Variants in GRIK4 observed in about 807,000 individuals in gnomAD.
GRIK4 encodes the protein glutamate ionotropic receptor kainate type subunit 4.
In GRIK4, 40 loss-of-function variants were observed where a neutral mutation model predicts 104.9. The ratio of observed to expected loss-of-function variants is 0.38; its 90% CI spans 0.30 to 0.50. The LOEUF is 0.50. Ranked by LOEUF, GRIK4 falls within the 20% of genes least tolerant of loss-of-function variation. The probability of loss-of-function intolerance (pLI) is 0.93; values close to 1 mark genes in which losing one functional copy is unlikely to be tolerated. For missense variants in GRIK4, 1,047 were observed against 1,308.1 expected, an observed-to-expected ratio of 0.80 and a Z score of 3.08; for synonymous variants, 485 against 524.9, an observed-to-expected ratio of 0.92 and a Z score of 1.04.
intron 1 of GRIK4, among the ~76,000 whole-genome samples, chr11:120,535,589 C>T (rs1371626690): frequency 6.6e-6 from 1 of 152,032 alleles, no homozygotes; most frequent in Non-Finnish European, 1.5e-5. Context: ...AGGGCAAGGT[C>T]ACTAAAGGAC....
intron 3 of GRIK4, among the ~76,000 whole-genome samples, chr11:120,703,285 C>G (rs1950581251): frequency 6.6e-6 from 1 of 152,078 alleles, no homozygotes; most frequent in Non-Finnish European, 1.5e-5. Context: ...AGATTTAAAC[C>G]TGGGTGTTCT....
intron 1 of GRIK4, among the ~76,000 whole-genome samples, chr11:120,637,198 G>T (rs563881392): frequency 2.9e-4 from 44 of 152,198 alleles, no homozygotes; most frequent in Admixed American, 4.6e-4. Context: ...TGGGGGTGGG[G>T]AGAAAGTCAG....
chr11:120,581,830 G>A (rs185214110), intron 1 of GRIK4, among the ~76,000 whole-genome samples: 1 of 149,618 alleles, frequency 6.7e-6, no homozygotes, highest in Non-Finnish European at 1.5e-5. Context: ...TTTTTGAGAC[G>A]GAGTCTTGCT....
At chr11:120,920,677 A>G (rs890200415) in intron 13 of GRIK4, among the ~76,000 whole-genome samples, 1 of 151,574 alleles carries the variant, frequency 6.6e-6, no homozygotes, top group African/African-American at 2.4e-5. Flanking sequence ...TATCCAGGCA[A>G]TGGCAGTGGT....
intron 1 of GRIK4, among the ~76,000 whole-genome samples, chr11:120,567,985 G>A (rs1483601530): frequency 6.6e-6 from 1 of 152,124 alleles, no homozygotes; most frequent in African/African-American, 2.4e-5. Context: ...TTCAAGACCT[G>A]CCTGGGAAAC....
At chr11:120,621,115 A>G (rs1949182413) in intron 1 of GRIK4, among the ~76,000 whole-genome samples, 1 of 152,128 alleles carries the variant, frequency 6.6e-6, no homozygotes, top group Non-Finnish European at 1.5e-5. Flanking sequence ...TCACACACAA[A>G]CCCCAAGCTC....
At chr11:120,582,719 T>C (rs1029951330) in intron 1 of GRIK4, among the ~76,000 whole-genome samples, 2 of 152,242 alleles carry the variant, frequency 1.3e-5, no homozygotes, top group Non-Finnish European at 2.9e-5. Context: ...TAGTATTCCA[T>C]GGTGTATATG....
In GRIK4 at chr11:120,962,546, G is replaced by A. The variant is rs376213636; in HGVS notation, c.2131G>A (p.Ala711Thr). Residue 711 changes from alanine to threonine, a missense_variant, in exon 18 of 21, where the codon GCC becomes ACC. Coordinates refer to ENST00000527524, the MANE Select transcript of GRIK4 (RefSeq NM_014619.5). ...VFVKSTEEGI[A>T]RVLNSNYAFL... ...CGTGAAGAGCACAGAGGAGGGAATC[G>A]CCAGGGTGTTGAATTCCAACTACGC... The A allele has an allele frequency of 5.8e-5, 93 of 1,613,804 alleles. No homozygotes were observed. Among genetic ancestry groups the A allele is most frequent in the Non-Finnish European group, 7.5e-5 (88 of 1,179,864 alleles).
chr11:120,983,473 T>C (rs1944686205), intron 20 of GRIK4, among the ~76,000 whole-genome samples: 1 of 152,202 alleles, frequency 6.6e-6, no homozygotes, highest in East Asian at 1.9e-4. Flanking sequence ...TGGGCCTTAT[T>C]GGACTTTGGT....
intron 13 of GRIK4, among the ~76,000 whole-genome samples, chr11:120,935,887 A>C (rs895037863): frequency 2.6e-5 from 4 of 151,450 alleles, no homozygotes; most frequent in African/African-American, 4.9e-5. Flanking sequence ...TTAACTATAC[A>C]AAAAAAAGAC....
chr11:120,786,124 C>A (rs2135483341), intron 3 of GRIK4, among the ~76,000 whole-genome samples: 1 of 152,278 alleles, frequency 6.6e-6, no homozygotes, highest in Non-Finnish European at 1.5e-5. Context: ...CTTGCTCTGG[C>A]CCCATCATCA....
intron 14 of GRIK4, among the ~76,000 whole-genome samples, chr11:120,942,478 T>C (rs1271369533): frequency 6.6e-6 from 1 of 152,162 alleles, no homozygotes; most frequent in Non-Finnish European, 1.5e-5. Context: ...GGTGTCTAGA[T>C]TCCTGGAGGG....
intron 19 of GRIK4, among the ~76,000 whole-genome samples, chr11:120,978,331 G>A (rs1944595415): frequency 1.3e-5 from 2 of 152,218 alleles, no homozygotes; most frequent in South Asian, 4.1e-4. Context: ...GGTAAGAGTA[G>A]AGAAGGCAGC....
intron 1 of GRIK4, among the ~76,000 whole-genome samples, chr11:120,525,402 A>G (rs958973053): frequency 1.3e-5 from 2 of 152,102 alleles, no homozygotes; most frequent in African/African-American, 4.8e-5. Context: ...CCAGGGGAGC[A>G]TGTGCCCTGC....
intron 15 of GRIK4, among the ~76,000 whole-genome samples, chr11:120,954,504 C>T (rs1944087826): frequency 1.3e-5 from 2 of 152,070 alleles, no homozygotes; most frequent in Non-Finnish European, 2.9e-5. Context: ...CTCTGTAATT[C>T]ACACTTGCCC....
intron 9 of GRIK4, 68 bp downstream of exon 9, chr11:120,862,188 C>A: frequency 3.7e-6 from 5 of 1,338,294 alleles, no homozygotes; most frequent in South Asian, 2.6e-5. Context: ...GTGGGCCAAC[C>A]CCTGGGCAAC....
rs115723495 is a variant in GRIK4 at position 120,819,360 on chromosome 11, A to T, written c.346-395A>T. ...TTCTCTTTCTGCCGTCTCTGCTCTG[A>T]TGTATTAACTACAAATAAAATATTC... On this transcript the variant is annotated intron_variant, in intron 5 of 20. Coordinates refer to ENST00000527524, the MANE Select transcript of GRIK4 (RefSeq NM_014619.5). This position sits in a 1 kb window ranked among gnomAD's most constrained non-coding sequence, Gnocchi z 4.3. 1.5e-3 allele frequency among the ~76,000 whole-genome samples: 231 copies of T among 152,246 alleles called. No individual in the cohort carries two copies. Among genetic ancestry groups the T allele is most frequent in the African/African-American group, 5.5e-3 (227 of 41,552 alleles).
intron 3 of GRIK4, among the ~76,000 whole-genome samples, chr11:120,771,279 C>T (rs574154816): frequency 1.3e-5 from 2 of 152,074 alleles, no homozygotes; most frequent in Non-Finnish European, 2.9e-5. Flanking sequence ...AAATTTCAGG[C>T]AGAAATGAGG....
At chr11:120,979,996 C>T (rs1451146283) in intron 19 of GRIK4, among the ~76,000 whole-genome samples, 1 of 151,988 alleles carries the variant, frequency 6.6e-6, no homozygotes. Flanking sequence ...CCACCATGCC[C>T]GGCTAATTTT....
Sources: allele counts gnomAD v4.1 joint callset (sites outside exome capture counted in the v4.1 genomes callset), GRCh38; gene constraint gnomAD v4.1.1; non-coding constraint Gnocchi (gnomAD v3.1); transcripts MANE v1.5; gene names NCBI Gene and HGNC (gene_info 2026-07-23, HGNC 2026-07-21).